Variants in NFAM1 observed in about 807,000 individuals in gnomAD.
NFAM1 encodes NFAT activation molecule 1.
NFAM1 carries 17 observed loss-of-function variants against 29.0 expected under a neutral mutation model. The observed-to-expected ratio is 0.59, with a 90% CI of 0.40 to 0.88. NFAM1 has a LOEUF of 0.88. Among genes scored for constraint, NFAM1 ranks in the 40% least tolerant of loss-of-function variants. The pLI, the probability that NFAM1 is intolerant of heterozygous loss-of-function variation, is 0.00. For synonymous variants in NFAM1, 175 were observed against 147.2 expected (o/e 1.19, Z -1.36); for missense variants, 324 against 344.6 (o/e 0.94, Z 0.47).
rs889824038 is a variant in NFAM1, at chr22:42,413,231, G to A, written c.122-1495C>T. Among the ~76,000 whole-genome samples, 40 of 152,264 alleles carry A rather than the reference G, an allele frequency of 2.6e-4. No homozygotes were observed. The East Asian group carries it at 5.4e-3, about 21-fold the overall frequency. ...TGTCTTTGAGATGCTCAGAGGAGCC[G>A]CAAGATTTATTTTATTGGGGAAAGA... On this transcript the variant is annotated intron_variant, in intron 1 of 5. Coordinates refer to ENST00000329021, the MANE Select transcript of NFAM1 (RefSeq NM_145912.8).
rs556497287 is a variant in NFAM1, at chr22:42,395,698, T to C, written c.663+2160A>G. On this transcript the variant is annotated intron_variant, in intron 4 of 5. Transcript: ENST00000329021. ...GAGATCGAGACCATCCTGGCTAACA[T>C]GGTGAAACCCCGTCTCTACTAAAAA... Among the ~76,000 whole-genome samples the C allele has an allele frequency of 4.6e-5, 7 of 151,300 alleles. No homozygotes were observed. In the East Asian group the frequency reaches 1.4e-3, roughly 29 times the overall value.
At chr22:42,426,567 C>T (rs911769525) in intron 1 of NFAM1, among the ~76,000 whole-genome samples, 4 of 152,196 alleles carry the variant, frequency 2.6e-5, no homozygotes, top group East Asian at 1.9e-4. Flanking sequence ...CTCAGAGAAC[C>T]GGCTCAGGTG....
rs1929229243 is a variant in NFAM1 at position 42,388,605 on chromosome 22, G to A, written c.664-1527C>T. On this transcript the variant is annotated intron_variant, in intron 4 of 5. Coordinates refer to ENST00000329021, the MANE Select transcript of NFAM1 (RefSeq NM_145912.8). The surrounding 1 kb of genome is among the most constrained non-coding windows in gnomAD (Gnocchi z 4.1). ...AAGCAGGGGTTGCTGAGGCAGGCTG[G>A]AGAGACAGGTGGTGCTCAGAGGCAG... Among the ~76,000 whole-genome samples, 1 of 150,208 alleles carries A rather than the reference G, an allele frequency of 6.7e-6. No homozygotes were observed. The highest frequency in any genetic ancestry group is 1.5e-5 in the Non-Finnish European group (1 of 67,514).
chr22:42,383,756 T>C lies in NFAM1; in HGVS notation c.*1405A>G, dbSNP rs1234091200. On this transcript the variant is annotated 3_prime_UTR_variant, in exon 6 of 6. Transcript: ENST00000329021. ...GGCCTGTGCCTTGGGTTCCCCCCCC[T>C]CCCTGGGCACATTTGGGGTTGGGGC... The C allele has an allele frequency of 1.3e-5, 2 of 152,444 alleles. No individual in the cohort carries two copies. The highest frequency in any genetic ancestry group is 2.9e-5 in the Non-Finnish European group (2 of 68,054). 9.4% of individuals were successfully genotyped at this position (152,444 alleles called of 1,614,324 possible). A position where few individuals can be genotyped will look rare whatever the true frequency, so the allele number is the denominator to read the frequency against.
intron 3 of NFAM1, among the ~76,000 whole-genome samples, chr22:42,400,246 C>T (rs551570168): frequency 6.6e-6 from 1 of 152,312 alleles, no homozygotes; most frequent in Admixed American, 6.5e-5. Flanking sequence ...TGACAGTTTA[C>T]GAAGTCTGCT....
intron 1 of NFAM1, among the ~76,000 whole-genome samples, chr22:42,426,996 G>A (rs1930645651): frequency 6.6e-6 from 1 of 152,130 alleles, no homozygotes; most frequent in Non-Finnish European, 1.5e-5. Context: ...GGCTCGTGGA[G>A]GTTCAGCGTA....
chr22:42,400,578 T>C lies in NFAM1; in HGVS notation c.565-2622A>G, dbSNP rs147782932. Among the ~76,000 whole-genome samples the C allele has an allele frequency of 8.8e-4, 134 of 152,186 alleles. 2 individuals carry two copies. In the East Asian group the frequency reaches 0.018, roughly 20 times the overall value. ...GTTGCAGTGAGCTGAGATTGCACCA[T>C]TGCACTCCAGCCTGGGCAAAAAGAG... is the stretch of plus-strand genomic sequence containing the variant. On this transcript the variant is annotated intron_variant, in intron 3 of 5. Transcript: ENST00000329021.
chr22:42,387,926 G>A (rs1389143871), intron 4 of NFAM1, among the ~76,000 whole-genome samples: 1 of 152,202 alleles, frequency 6.6e-6, no homozygotes, highest in African/African-American at 2.4e-5. Context: ...CCTGCACTGG[G>A]TCATGTCGGA....
chr22:42,413,957 G>A lies in NFAM1; in HGVS notation c.122-2221C>T, dbSNP rs1930176312. Among the ~76,000 whole-genome samples, 3 of 152,288 alleles carry A rather than the reference G, an allele frequency of 2.0e-5. No individual in the cohort carries two copies. The South Asian group carries it at 6.2e-4, about 32-fold the overall frequency. ...TAATCCCAGCTACTCAGGAGGCTGA[G>A]GCAGGAAAATCGCTTGAATCTGGGA... On this transcript the variant is annotated intron_variant, in intron 1 of 5. Coordinates refer to ENST00000329021, the MANE Select transcript of NFAM1 (RefSeq NM_145912.8).
rs867357863 is a variant in NFAM1, at chr22:42,409,652, C to A, written c.452-105G>T. 3.0e-5 allele frequency: 15 copies of A among 494,084 alleles called. No individual in the cohort carries two copies. The East Asian group carries it at 4.2e-4, about 14-fold the overall frequency. 30.6% of individuals were successfully genotyped at this position (494,084 alleles called of 1,614,324 possible). On this transcript the variant is annotated intron_variant, in intron 2 of 5. Coordinates refer to ENST00000329021, the MANE Select transcript of NFAM1 (RefSeq NM_145912.8). The surrounding 1 kb of genome is among the most constrained non-coding windows in gnomAD (Gnocchi z 4.9). Reference sequence around the variant, plus strand: ...TCAGGACCCTGTTTTCAATGCTACCCCGCCAACACGCTCCACACCCCACTA... The same window carrying A: ...TCAGGACCCTGTTTTCAATGCTACCACGCCAACACGCTCCACACCCCACTA...
At chr22:42,431,859 G>T (rs926491694) in intron 1 of NFAM1, among the ~76,000 whole-genome samples, 7 of 143,816 alleles carry the variant, frequency 4.9e-5, no homozygotes. Flanking sequence ...CAGGTTCAAC[G>T]CAGTGTCCCC....
At chr22:42,423,688 C>T (rs960464968) in intron 1 of NFAM1, among the ~76,000 whole-genome samples, 29 of 151,478 alleles carry the variant, frequency 1.9e-4, no homozygotes, top group East Asian at 9.7e-4. Context: ...CACCTCAGTC[C>T]AGCCTGGGTG....
At chr22:42,428,664 G>T (rs1279365363) in intron 1 of NFAM1, among the ~76,000 whole-genome samples, 2 of 152,182 alleles carry the variant, frequency 1.3e-5, no homozygotes, top group Non-Finnish European at 2.9e-5. Context: ...TGAGAGTGGG[G>T]CCTATGGCTT....
chr22:42,391,237 C>T (rs985294226), intron 4 of NFAM1, among the ~76,000 whole-genome samples: 1 of 152,100 alleles, frequency 6.6e-6, no homozygotes, highest in Non-Finnish European at 1.5e-5. Context: ...ACCCCTTGCT[C>T]ACCTAACCCC....
At position 42,384,956 on chromosome 22, in the gene NFAM1, G is replaced by T. The variant is rs2147086092; in HGVS notation, c.*205C>A. 1.5e-6 allele frequency: 1 copy of T among 658,332 alleles called. No individual in the cohort carries two copies. Among genetic ancestry groups the T allele is most frequent in the Non-Finnish European group, 2.7e-6 (1 of 367,622 alleles). 40.8% of individuals were successfully genotyped at this position (658,332 alleles called of 1,614,324 possible). A position where few individuals can be genotyped will look rare whatever the true frequency, so the allele number is the denominator to read the frequency against. On this transcript the variant is annotated 3_prime_UTR_variant, in exon 6 of 6. Transcript: ENST00000329021. ...GGCAGAAGGAACAGCCTGGGCAAAGGCCCCAAGATGGGAAAGCCTTGGTGG... is the reference window on the plus strand; with the variant it reads ...GGCAGAAGGAACAGCCTGGGCAAAGTCCCCAAGATGGGAAAGCCTTGGTGG...
At chr22:42,429,163 G>A (rs1228468995) in intron 1 of NFAM1, among the ~76,000 whole-genome samples, 2 of 152,228 alleles carry the variant, frequency 1.3e-5, no homozygotes, top group Non-Finnish European at 2.9e-5. Flanking sequence ...GAGGCTGGCA[G>A]GTGGCTGACA....
At chr22:42,416,065 G>A (rs1329490090) in intron 1 of NFAM1, among the ~76,000 whole-genome samples, 1 of 152,190 alleles carries the variant, frequency 6.6e-6, no homozygotes, top group Admixed American at 6.5e-5. Flanking sequence ...GGAACCCACA[G>A]ACAGAAGGAA....
At chr22:42,413,204 C>G (rs1370666264) in intron 1 of NFAM1, among the ~76,000 whole-genome samples, 1 of 152,174 alleles carries the variant, frequency 6.6e-6, no homozygotes, top group African/African-American at 2.4e-5. Context: ...GGGAGAAGAT[C>G]GTGTCTTTGA....
chr22:42,436,381 A>G (rs953971487), upstream of NFAM1, among the ~76,000 whole-genome samples: 1 of 152,186 alleles, frequency 6.6e-6, no homozygotes, highest in East Asian at 1.9e-4. Context: ...CACTGAGGCA[A>G]AAAGGGTTCC....
Sources: gnomAD v4.1 joint callset for allele counts (sites outside exome capture counted in the v4.1 genomes callset) on GRCh38, gnomAD v4.1.1 for gene constraint, Gnocchi (gnomAD v3.1) non-coding constraint, MANE v1.5 for transcripts, NCBI Gene and HGNC (gene_info 2026-07-23, HGNC 2026-07-21) for gene names.